The following IER3IP1 variants were observed in gnomAD, a reference collection of about 807,000 sequenced individuals.
IER3IP1 encodes immediate early response 3 interacting protein 1.
Under a neutral mutation model 12.2 loss-of-function variants are expected in IER3IP1, and 16 were observed. The ratio of observed to expected loss-of-function variants is 1.31; its 90% CI spans 0.89 to 1.99. The LOEUF is 1.99. IER3IP1 is among the 30% of genes most tolerant of loss of function. The pLI is 0.00. For missense variants in IER3IP1, 95 were observed against 95.8 expected, an observed-to-expected ratio of 0.99 and a Z score of 0.03; for synonymous variants, 42 against 40.0, an observed-to-expected ratio of 1.05 and a Z score of -0.19.
chr18:47,157,355 T>C, intron 2 of IER3IP1, 81 bp downstream of exon 2: 1 of 1,132,478 alleles, frequency 8.8e-7, no homozygotes, highest in Middle Eastern at 2.0e-4. Flanking sequence ...AAATGGCATA[T>C]ATGGTATTCA....
intron 1 of IER3IP1, among the ~76,000 whole-genome samples, chr18:47,159,676 G>A (rs1335171409): frequency 6.6e-6 from 1 of 152,188 alleles, no homozygotes; most frequent in East Asian, 1.9e-4. Flanking sequence ...TACAGGGAGA[G>A]ATTATGGGCA....
chr18:47,156,206 C>A lies in IER3IP1; in HGVS notation c.220G>T (p.Ala74Ser). The A allele has an allele frequency of 6.4e-7, 1 of 1,568,620 alleles. No homozygotes were observed. Among genetic ancestry groups the A allele is most frequent in the Non-Finnish European group, 8.8e-7 (1 of 1,140,430 alleles). ...CCAAATAATAAAAGTAACACAATTG[C>A]AATTGAGTTTACTATTATCAATGGC... The part of the protein sequence containing the change: ...RVPLIIVNSI[A>S]IVLLLLFG The change falls in exon 3 of 3, where the codon GCA becomes TCA. Residue 74 changes from alanine to serine, a missense_variant. Coordinates refer to ENST00000256433, the MANE Select transcript of IER3IP1 (RefSeq NM_016097.5).
chr18:47,171,502 G>A (rs1052248282), intron 1 of IER3IP1, among the ~76,000 whole-genome samples: 1 of 152,170 alleles, frequency 6.6e-6, no homozygotes, highest in Non-Finnish European at 1.5e-5. Context: ...TTGACTTCAT[G>A]AGAAGTTTTT....
chr18:47,168,939 CT>C (rs751576537), intron 1 of IER3IP1, among the ~76,000 whole-genome samples: 1 of 152,164 alleles, frequency 6.6e-6, no homozygotes, highest in Non-Finnish European at 1.5e-5. Flanking sequence ...CTCCAGCTTT[CT>C]GGATACCTTA....
intron 1 of IER3IP1, among the ~76,000 whole-genome samples, chr18:47,170,132 C>CT (rs1390857725): frequency 2.0e-5 from 3 of 151,800 alleles, no homozygotes; most frequent in Admixed American, 2.0e-4. Context: ...TCCAATTTTA[C>CT]TTTTTTTTAT....
intron 1 of IER3IP1, among the ~76,000 whole-genome samples, chr18:47,170,232 T>A (rs2064011000): frequency 6.6e-6 from 1 of 152,172 alleles, no homozygotes; most frequent in Non-Finnish European, 1.5e-5. Context: ...AAGGATTTTT[T>A]AATGGACTTT....
intron 1 of IER3IP1, among the ~76,000 whole-genome samples, chr18:47,160,124 G>A (rs1387754749): frequency 6.6e-6 from 1 of 151,996 alleles, no homozygotes; most frequent in Non-Finnish European, 1.5e-5. Flanking sequence ...GAACCCGGGA[G>A]GTGGAGGTTG....
At chr18:47,160,465 C>G (rs550878382) in intron 1 of IER3IP1, among the ~76,000 whole-genome samples, 70 of 152,324 alleles carry the variant, frequency 4.6e-4, no homozygotes, top group African/African-American at 1.6e-3. Flanking sequence ...GGAAGGAATG[C>G]TAACGCAGGC....
intron 1 of IER3IP1, among the ~76,000 whole-genome samples, chr18:47,158,555 T>C (rs1241695812): frequency 6.6e-6 from 1 of 150,934 alleles, no homozygotes; most frequent in Non-Finnish European, 1.5e-5. Flanking sequence ...TTACCCAGGC[T>C]GGTCTTGAAC....
Position 47,172,104 on chromosome 18 carries a change from A to T in IER3IP1, c.91+4083T>A, listed in dbSNP as rs2064017450. ...GCCTTCTGTTTTGGTCTTTCTTAGA[A>T]AACATTTTGTGTATATGCCTCACTG... On this transcript the variant is annotated intron_variant, in intron 1 of 2. Coordinates refer to ENST00000256433, the MANE Select transcript of IER3IP1 (RefSeq NM_016097.5). The surrounding 1 kb of genome is among the most constrained non-coding windows in gnomAD (Gnocchi z 4.0). Among the ~76,000 whole-genome samples the T allele has an allele frequency of 1.3e-5, 2 of 152,048 alleles. No individual in the cohort carries two copies. Among genetic ancestry groups the T allele is most frequent in the African/African-American group, 2.4e-5 (1 of 41,394 alleles).
Position 47,170,441 on chromosome 18 carries a change from T to C in IER3IP1, c.91+5746A>G, listed in dbSNP as rs1257069878. On this transcript the variant is annotated intron_variant, in intron 1 of 2. Coordinates refer to ENST00000256433, the MANE Select transcript of IER3IP1 (RefSeq NM_016097.5). ...CATCAGTTTCTTCAAAAAAGCTAAC[T>C]GGGATTTTGATAGACACCACATTAA... Among the ~76,000 whole-genome samples the C allele has an allele frequency of 4.6e-5, 7 of 152,160 alleles. No homozygotes were observed. In the East Asian group the frequency reaches 9.6e-4, roughly 21 times the overall value.
chr18:47,173,550 T>C (rs1311827451), intron 1 of IER3IP1, among the ~76,000 whole-genome samples: 2 of 152,060 alleles, frequency 1.3e-5, no homozygotes, highest in Non-Finnish European at 2.9e-5. Context: ...CACCATGTTG[T>C]CCAGAGTGGT....
intron 1 of IER3IP1, among the ~76,000 whole-genome samples, chr18:47,164,215 T>C (rs922051604): frequency 6.6e-6 from 1 of 152,096 alleles, no homozygotes; most frequent in Non-Finnish European, 1.5e-5. Context: ...ACCACTGAAG[T>C]AATTTAAACA....
intron 1 of IER3IP1, among the ~76,000 whole-genome samples, chr18:47,164,778 CA>C (rs532684692): frequency 2.6e-4 from 34 of 132,458 alleles, no homozygotes; most frequent in Admixed American, 3.0e-4. Context: ...ACCCTCTTTC[CA>C]AAAAAAAAAA....
chr18:47,172,980 T>G lies in IER3IP1; in HGVS notation c.91+3207A>C, dbSNP rs1393617886. Among the ~76,000 whole-genome samples the G allele has an allele frequency of 1.3e-5, 2 of 152,238 alleles. No homozygotes were observed. Among genetic ancestry groups the G allele is most frequent in the Non-Finnish European group, 2.9e-5 (2 of 68,034 alleles). ...GGCTGTCTGGGGCACCAATTCTTTT[T>G]GTACTCTACTGTTTTCTTTCATAAT... On this transcript the variant is annotated intron_variant, in intron 1 of 2. Transcript: ENST00000256433. This position sits in a 1 kb window ranked among gnomAD's most constrained non-coding sequence, Gnocchi z 4.0.
At position 47,176,211 on chromosome 18, in the gene IER3IP1, G is replaced by A; in HGVS notation, c.67C>T (p.His23Tyr). The A allele has an allele frequency of 6.2e-7, 1 of 1,605,108 alleles. No individual in the cohort carries two copies. The highest frequency in any genetic ancestry group is 8.5e-7 in the Non-Finnish European group (1 of 1,176,170). The change falls in exon 1 of 3, where the codon CAC becomes TAC. Residue 23 changes from histidine (H) to tyrosine (Y), a missense_variant. Physicochemically the swap from His to Tyr is moderately conservative, Grantham distance 83. Transcript: ENST00000256433. ...CTGTTCTTGAGGAATCGCTCCTCGT[G>A]CAGCACTGCGATGGCGTTGACGCAG... ...LLCVNAIAVL[H>Y]EERFLKNIGW...
Position 47,152,938 on chromosome 18 carries a change from AC to A in IER3IP1, c.*3238del, listed in dbSNP as rs1441212038. 1 of 152,240 alleles carries A rather than the reference AC, an allele frequency of 6.6e-6. No homozygotes were observed. Among genetic ancestry groups the A allele is most frequent in the African/African-American group, 2.4e-5 (1 of 41,466 alleles). The allele number at this position is 152,240 out of a possible 1,614,324, so 9.4% of individuals were successfully genotyped here. Reference sequence around the variant, plus strand: ...GGAAAAGATATATATATATATCTGGACCAGACTTCTGTTCTGAAGGTTATTG... The same window carrying A: ...GGAAAAGATATATATATATATCTGGACAGACTTCTGTTCTGAAGGTTATTG... On this transcript the variant is annotated 3_prime_UTR_variant, in exon 3 of 3. Coordinates refer to ENST00000256433, the MANE Select transcript of IER3IP1 (RefSeq NM_016097.5).
intron 1 of IER3IP1, among the ~76,000 whole-genome samples, chr18:47,173,250 T>C (rs1336529731): frequency 6.6e-6 from 1 of 152,206 alleles, no homozygotes; most frequent in Non-Finnish European, 1.5e-5. Flanking sequence ...AGTAAAGGTA[T>C]TACCCTTCAC....
intron 1 of IER3IP1, among the ~76,000 whole-genome samples, chr18:47,175,824 A>G (rs2064031120): frequency 6.6e-6 from 1 of 151,946 alleles, no homozygotes; most frequent in Non-Finnish European, 1.5e-5. Flanking sequence ...AAGTAGTCAC[A>G]GGACCGCGAC....
Sources: gnomAD v4.1 joint callset for allele counts (sites outside exome capture counted in the v4.1 genomes callset) on GRCh38, gnomAD v4.1.1 for gene constraint, Gnocchi (gnomAD v3.1) non-coding constraint, MANE v1.5 for transcripts, NCBI Gene and HGNC (gene_info 2026-07-23, HGNC 2026-07-21) for gene names.